The following PARD3B variants were observed in gnomAD, a reference collection of about 807,000 sequenced individuals.
PARD3B encodes partitioning defective 3 homolog B.
In PARD3B, 103 loss-of-function variants were observed where a neutral mutation model predicts 130.2. The observed-to-expected ratio is 0.79, with a 90% CI of 0.67 to 0.93. The LOEUF is 0.93. Ranked by LOEUF, PARD3B falls within the 40% of genes least tolerant of loss-of-function variation. PARD3B has a pLI of 0.00. For synonymous variants in PARD3B, 583 were observed against 553.2 expected, an observed-to-expected ratio of 1.05 and a Z score of -0.76; for missense variants, 1,609 against 1,499.2, an observed-to-expected ratio of 1.07 and a Z score of -1.21.
At position 205,550,951 on chromosome 2, in the gene PARD3B, ATGTG is replaced by A. The variant is rs369139099; in HGVS notation, c.3181-2371_3181-2368del. On this transcript the variant is annotated intron_variant, in intron 21 of 22. Transcript: ENST00000406610. This position sits in a 1 kb window ranked among gnomAD's most constrained non-coding sequence, Gnocchi z 4.5. The stretch of plus-strand genomic sequence containing the variant: ...TGTGTGTGTGTGTGTGTATATATAT[ATGTG>A]TATATATATATATATATATATACAC... Among the ~76,000 whole-genome samples, 3,767 of 77,284 alleles carry A rather than the reference ATGTG, an allele frequency of 0.049. 107 individuals carry two copies. The highest frequency in any genetic ancestry group is 0.18 in the South Asian group (429 of 2,378). 50.7% of individuals were successfully genotyped at this position (77,284 alleles called of 152,430 possible).
intron 1 of PARD3B, among the ~76,000 whole-genome samples, chr2:204,658,065 G>T (rs898708246): frequency 6.6e-6 from 1 of 152,128 alleles, no homozygotes; most frequent in Non-Finnish European, 1.5e-5. Flanking sequence ...AGACAAATGT[G>T]CAGCTATTAT....
Position 205,590,801 on chromosome 2 carries a change from A to T in PARD3B, c.3261-24655A>T, listed in dbSNP as rs1016880300. On this transcript the variant is annotated intron_variant, in intron 22 of 22. Coordinates refer to ENST00000406610, the MANE Select transcript of PARD3B (RefSeq NM_001302769.2). The surrounding 1 kb of genome is among the most constrained non-coding windows in gnomAD (Gnocchi z 4.1). ...TCACAAGAAGTAGGATGAGTACCAA[A>T]TCCCTAAAAAATGTTCTGTCAAACC... Among the ~76,000 whole-genome samples, 1 of 152,052 alleles carries T rather than the reference A, an allele frequency of 6.6e-6. No individual in the cohort carries two copies. The highest frequency in any genetic ancestry group is 1.5e-5 in the Non-Finnish European group (1 of 68,016).
chr2:205,256,315 A>G (rs1574519075), intron 16 of PARD3B, among the ~76,000 whole-genome samples: 2 of 152,160 alleles, frequency 1.3e-5, no homozygotes, highest in East Asian at 3.9e-4. Context: ...ACCAATGATA[A>G]ACTCATTTAG....
Position 205,312,239 on chromosome 2 carries a change from A to G in PARD3B, c.2630+10538A>G, listed in dbSNP as rs566050792. 5.3e-5 allele frequency among the ~76,000 whole-genome samples: 8 copies of G among 152,318 alleles called. No individual in the cohort carries two copies. In the East Asian group the frequency reaches 1.3e-3, roughly 26 times the overall value. On this transcript the variant is annotated intron_variant, in intron 18 of 22. Coordinates refer to ENST00000406610, the MANE Select transcript of PARD3B (RefSeq NM_001302769.2). ...ATGGGTATGAAGGGTAACTGAGCCA[A>G]TGTAGCCAGGCCAATGAAATTTTAA...
chr2:205,561,258 T>TG (rs2053124218), intron 22 of PARD3B, among the ~76,000 whole-genome samples: 1 of 152,204 alleles, frequency 6.6e-6, no homozygotes, highest in African/African-American at 2.4e-5. Context: ...TTGCACTATT[T>TG]TATTGTGCTC....
chr2:205,085,407 CA>C (rs1158420159), intron 4 of PARD3B, among the ~76,000 whole-genome samples: 3 of 151,822 alleles, frequency 2.0e-5, no homozygotes, highest in Admixed American at 6.6e-5. Flanking sequence ...TTCATTATTT[CA>C]TTTTAAAACA....
Position 204,990,210 on chromosome 2 carries a change from G to C in PARD3B, c.394+24887G>C, listed in dbSNP as rs553600328. 2.6e-5 allele frequency among the ~76,000 whole-genome samples: 4 copies of C among 151,534 alleles called. No individual in the cohort carries two copies. In the South Asian group the frequency reaches 8.3e-4, roughly 31 times the overall value. ...TACTCTTCTGTGATGTTCCTGGTAA[G>C]ATTTTTGACAATTTTTTTACTCATT... On this transcript the variant is annotated intron_variant, in intron 3 of 22. Transcript: ENST00000406610.
At chr2:204,845,359 A>G (rs1261803029) in intron 2 of PARD3B, among the ~76,000 whole-genome samples, 3 of 152,296 alleles carry the variant, frequency 2.0e-5, no homozygotes, top group East Asian at 3.9e-4. Context: ...TTAACTTTTT[A>G]TAGGTATAAT....
chr2:204,872,700 C>T (rs2045675700), intron 2 of PARD3B, among the ~76,000 whole-genome samples: 1 of 152,166 alleles, frequency 6.6e-6, no homozygotes, highest in South Asian at 2.1e-4. Context: ...ATTGGATTAA[C>T]TTTAGCTCTA....
rs763782153 is a variant in PARD3B at position 205,263,611 on chromosome 2, CTA to C, written c.2185+17792_2185+17793del. 1.3e-5 allele frequency among the ~76,000 whole-genome samples: 2 copies of C among 150,970 alleles called. No individual in the cohort carries two copies. The highest frequency in any genetic ancestry group is 2.4e-5 in the African/African-American group (1 of 41,072). Reference sequence around the variant, plus strand: ...CAGATCTTAAATGTGAGCACTAAAACTATAAAACTTCTAGAAAACAAATGGGA... The same window carrying C: ...CAGATCTTAAATGTGAGCACTAAAACTAAAACTTCTAGAAAACAAATGGGA... On this transcript the variant is annotated intron_variant, in intron 16 of 22. Transcript: ENST00000406610. The surrounding 1 kb of genome is among the most constrained non-coding windows in gnomAD (Gnocchi z 4.0).
chr2:205,322,405 G>A (rs573015181), intron 18 of PARD3B, among the ~76,000 whole-genome samples: 1 of 152,262 alleles, frequency 6.6e-6, no homozygotes, highest in Admixed American at 6.5e-5. Flanking sequence ...TACAGGTTAG[G>A]TGTAGCTGGT....
In PARD3B at chr2:204,820,071, C is replaced by CTTTTTTTTTTTTT. The variant is rs557143420; in HGVS notation, c.222+133798_222+133810dup. ...GAAGGTGGCTACATTAAACAATAGACTTTTTTTTTTTTTTTTTTTTTGAGA... is the reference window on the plus strand; with the variant it reads ...GAAGGTGGCTACATTAAACAATAGACTTTTTTTTTTTTTTTTTTTTTTTTTTTTTTTTTTGAGA... On this transcript the variant is annotated intron_variant, in intron 2 of 22. Coordinates refer to ENST00000406610, the MANE Select transcript of PARD3B (RefSeq NM_001302769.2). Among the ~76,000 whole-genome samples, 262 of 98,410 alleles carry CTTTTTTTTTTTTT rather than the reference C, an allele frequency of 2.7e-3. 34 individuals carry two copies. Among genetic ancestry groups the CTTTTTTTTTTTTT allele is most frequent in the African/African-American group, 0.01 (228 of 22,436 alleles). 64.6% of individuals were successfully genotyped at this position (98,410 alleles called of 152,430 possible). A position where few individuals can be genotyped will look rare whatever the true frequency, so the allele number is the denominator to read the frequency against.
intron 2 of PARD3B, among the ~76,000 whole-genome samples, chr2:204,824,897 AAGG>A (rs2043508881): frequency 6.6e-6 from 1 of 152,164 alleles, no homozygotes; most frequent in Non-Finnish European, 1.5e-5. Flanking sequence ...GGCTGTAGCA[AAGG>A]AGTGAGCCAC....
intron 2 of PARD3B, among the ~76,000 whole-genome samples, chr2:204,852,599 G>A (rs986335915): frequency 1.5e-4 from 22 of 150,350 alleles, no homozygotes; most frequent in Admixed American, 1.3e-3. Flanking sequence ...GGATTTCTAG[G>A]GATTAGTATA....
At chr2:205,119,162 C>G in intron 7 of PARD3B, 116 bp downstream of exon 7, 2 of 1,331,862 alleles carry the variant, frequency 1.5e-6, no homozygotes, top group Non-Finnish European at 2.0e-6. Context: ...TCCCTTTGAA[C>G]GATCCAGGAT....
intron 12 of PARD3B, 34 bp downstream of exon 12, chr2:205,172,415 C>A (rs1317292032): frequency 1.3e-6 from 2 of 1,590,708 alleles, no homozygotes; most frequent in East Asian, 2.3e-5. Flanking sequence ...CAGCCAGTTG[C>A]CCAAATTGCC....
chr2:205,234,767 C>T (rs1034856556), intron 15 of PARD3B, among the ~76,000 whole-genome samples: 6 of 151,968 alleles, frequency 3.9e-5, no homozygotes, highest in African/African-American at 9.7e-5. Context: ...GAACATTTAA[C>T]AGGACATACC....
intron 2 of PARD3B, among the ~76,000 whole-genome samples, chr2:204,693,000 A>T (rs1210688922): frequency 6.6e-6 from 1 of 152,030 alleles, no homozygotes; most frequent in Non-Finnish European, 1.5e-5. Context: ...ATAACATCTC[A>T]TGCAGATCAA....
At chr2:204,603,981 C>T (rs1456596893) in intron 1 of PARD3B, among the ~76,000 whole-genome samples, 2 of 152,124 alleles carry the variant, frequency 1.3e-5, no homozygotes, top group Non-Finnish European at 1.5e-5. Flanking sequence ...TCATAACTCC[C>T]TGGCACATAG....
Sources: allele counts gnomAD v4.1 joint callset (sites outside exome capture counted in the v4.1 genomes callset), GRCh38; gene constraint gnomAD v4.1.1; non-coding constraint Gnocchi (gnomAD v3.1); transcripts MANE v1.5; gene names NCBI Gene and HGNC (gene_info 2026-07-23, HGNC 2026-07-21).